ZNHIT3: variants seen among roughly 807,000 people sequenced by gnomAD.
ZNHIT3 encodes zinc finger HIT domain-containing protein 3.
ZNHIT3 carries 27 observed loss-of-function variants against 19.9 expected under a neutral mutation model. That is an observed-to-expected ratio of 1.36 (90% CI 1.00 to 1.87). ZNHIT3 has a LOEUF of 1.87. Ranked by LOEUF, ZNHIT3 falls within the 40% of genes most tolerant of loss-of-function variation. The pLI is 0.00. For missense variants in ZNHIT3, 215 were observed against 185.6 expected, an observed-to-expected ratio of 1.16 and a Z score of -0.92; for synonymous variants, 81 against 65.7, an observed-to-expected ratio of 1.23 and a Z score of -1.13.
downstream of ZNHIT3, chr17:36,499,185 A>G (rs2071273977): frequency 6.4e-7 from 1 of 1,574,358 alleles, no homozygotes; most frequent in Non-Finnish European, 8.7e-7. Context: ...CAGAAACAGG[A>G]AAGAGATAAT....
chr17:36,490,828 CTTT>C (rs900706269), intron 2 of ZNHIT3: 7 of 151,920 alleles, frequency 4.6e-5, no homozygotes, highest in African/African-American at 1.2e-4. Context: ...TTTCATTTGT[CTTT>C]TTTATTTTTT....
At chr17:36,498,856 T>C, downstream of ZNHIT3, 1 of 591,862 alleles carries the variant, frequency 1.7e-6, no homozygotes, top group South Asian at 2.0e-5. Flanking sequence ...GTTTGGTATA[T>C]TCCCAGAGTT....
Position 36,486,682 on chromosome 17 carries a change from G to A in ZNHIT3, c.-18G>A, listed in dbSNP as rs751532591. On this transcript the variant is annotated 5_prime_UTR_variant, in exon 1 of 5. Coordinates refer to ENST00000617429, the MANE Select transcript of ZNHIT3 (RefSeq NM_004773.4). Reference sequence around the variant, plus strand: ...GAGGCGCGCGGCGGCGCAGTGAACAGTCTCCTTCCACAAAACCATGGCGTC... The same window carrying A: ...GAGGCGCGCGGCGGCGCAGTGAACAATCTCCTTCCACAAAACCATGGCGTC... 4 of 1,613,544 alleles carry A rather than the reference G, an allele frequency of 2.5e-6. No homozygotes were observed. The highest frequency in any genetic ancestry group is 3.4e-6 in the Non-Finnish European group (4 of 1,179,602).
At chr17:36,494,719 G>A (rs961548577) in intron 4 of ZNHIT3, among the ~76,000 whole-genome samples, 1 of 152,104 alleles carries the variant, frequency 6.6e-6, no homozygotes, top group Non-Finnish European at 1.5e-5. Context: ...AGGTATTATT[G>A]TTGGTTCCCT....
chr17:36,497,652 T>C, downstream of ZNHIT3: 2 of 544,820 alleles, frequency 3.7e-6, no homozygotes, highest in Non-Finnish European at 4.7e-6. Context: ...CGGCGCAATC[T>C]CGGCTCACTG....
Position 36,493,996 on chromosome 17 carries a change from A to G in ZNHIT3, c.276A>G (p.Leu92=). ...AAGACAGAGTTTCTTTGCAGAATTT[A>G]AAGAATTTAGGTAAGTCTGTGCTAT... ...EEEDRVSLQN[L]KNLGESATLR... is the part of the protein sequence containing the mutation. The change falls in exon 4 of 5, where the codon TTA becomes TTG. Residue 92 remains leucine (L), a synonymous_variant. Coordinates refer to ENST00000617429, the MANE Select transcript of ZNHIT3 (RefSeq NM_004773.4). The G allele has an allele frequency of 6.2e-7, 1 of 1,611,662 alleles. No individual in the cohort carries two copies. The highest frequency in any genetic ancestry group is 1.7e-4 in the Middle Eastern group (1 of 6,052).
rs537966446 is a variant in ZNHIT3 at position 36,492,858 on chromosome 17, C to T, written c.164C>T (p.Ser55Leu). The change falls in exon 3 of 5, where the codon TCA becomes TTA. Residue 55 changes from serine to leucine, a missense_variant. Physicochemically the swap from Ser to Leu is moderately radical, Grantham distance 145. Coordinates refer to ENST00000617429, the MANE Select transcript of ZNHIT3 (RefSeq NM_004773.4). ...ETRPVEKKIR[S>L]ALPTKTVKPV... ...CGTCCTGTTGAGAAAAAAATAAGAT[C>T]AGCTCTTCCTACCAAAACCGTAAAG... is the stretch of plus-strand genomic sequence containing the variant. The T allele has an allele frequency of 1.9e-6, 3 of 1,614,166 alleles. No homozygotes were observed. Among genetic ancestry groups the T allele is most frequent in the African/African-American group, 2.7e-5 (2 of 75,040 alleles).
intron 2 of ZNHIT3, among the ~76,000 whole-genome samples, chr17:36,487,784 C>G (rs1436934072): frequency 6.9e-6 from 1 of 143,900 alleles, no homozygotes; most frequent in Non-Finnish European, 1.5e-5. Context: ...GAGCCAGACT[C>G]AGTCTGGAAA....
chr17:36,492,694 C>G, intron 2 of ZNHIT3, 119 bp from the exon 3 acceptor site: 2 of 819,088 alleles, frequency 2.4e-6, no homozygotes, highest in Non-Finnish European at 4.0e-6. Context: ...TTCCTGGGCA[C>G]CCACCCACAT....
Position 36,486,692 on chromosome 17 carries a change from A to C in ZNHIT3, c.-8A>C. On this transcript the variant is annotated 5_prime_UTR_variant, in exon 1 of 5. Coordinates refer to ENST00000617429, the MANE Select transcript of ZNHIT3 (RefSeq NM_004773.4). ...GCGGCGCAGTGAACAGTCTCCTTCCACAAAACCATGGCGTCGCTCAAATGT... is the reference window on the plus strand; with the variant it reads ...GCGGCGCAGTGAACAGTCTCCTTCCCCAAAACCATGGCGTCGCTCAAATGT... 6.2e-7 allele frequency: 1 copy of C among 1,613,772 alleles called. No homozygotes were observed. Among genetic ancestry groups the C allele is most frequent in the South Asian group, 1.1e-5 (1 of 91,078 alleles).
Position 36,495,362 on chromosome 17 carries a change from C to CTGTT in ZNHIT3, c.428_431dup (p.Gly145PhefsTer10). On this transcript the variant is annotated frameshift_variant, in exon 5 of 5. Coordinates refer to ENST00000617429, the MANE Select transcript of ZNHIT3 (RefSeq NM_004773.4). LOFTEE classifies it high-confidence loss of function. ...CTTTGTTTGTGGAGTTTGCAGACTG[C>CTGTT]TGTTTAGGAATTGTGGAGCCATCCC... The CTGTT allele has an allele frequency of 6.2e-7, 1 of 1,611,520 alleles. No individual in the cohort carries two copies. Among genetic ancestry groups the CTGTT allele is most frequent in the East Asian group, 2.2e-5 (1 of 44,820 alleles).
intron 2 of ZNHIT3, chr17:36,492,558 G>C: frequency 2.1e-6 from 1 of 482,848 alleles, no homozygotes; most frequent in Admixed American, 3.7e-5. Context: ...TGAGAATTTT[G>C]TAAGATTCGG....
Position 36,495,295 on chromosome 17 carries a change from G to A in ZNHIT3, c.359G>A (p.Gly120Glu). 6.2e-7 allele frequency: 1 copy of A among 1,613,854 alleles called. No homozygotes were observed. Among genetic ancestry groups the A allele is most frequent in the Admixed American group, 1.7e-5 (1 of 59,880 alleles). Residue 120 changes from glycine to glutamate, a missense_variant, in exon 5 of 5, where the codon GGA (glycine) becomes GAA (glutamate). By Grantham distance (98) the Gly-to-Glu change is moderately conservative. Coordinates refer to ENST00000617429, the MANE Select transcript of ZNHIT3 (RefSeq NM_004773.4). ...LRQLMVNLDQ[G>E]EDKAKLMRAY... Reference sequence around the variant, plus strand: ...CAGTTGATGGTCAACCTCGATCAGGGAGAAGACAAAGCAAAGCTCATGAGA... The same window carrying A: ...CAGTTGATGGTCAACCTCGATCAGGAAGAAGACAAAGCAAAGCTCATGAGA...
intron 2 of ZNHIT3, among the ~76,000 whole-genome samples, chr17:36,487,331 C>T (rs1416065821): frequency 1.3e-5 from 2 of 152,326 alleles, no homozygotes; most frequent in East Asian, 1.9e-4. Context: ...CACCATTTGG[C>T]TGAAACTGCG....
chr17:36,496,319 T>G (rs758206810), downstream of ZNHIT3: 6 of 1,613,808 alleles, frequency 3.7e-6, no homozygotes, highest in Admixed American at 1.7e-5. Flanking sequence ...AGAATCTGAT[T>G]AAAGCCTGTA....
intron 3 of ZNHIT3, 85 bp downstream of exon 3, chr17:36,492,984 G>A (rs1444581885): frequency 2.4e-6 from 3 of 1,276,584 alleles, no homozygotes; most frequent in African/African-American, 2.9e-5. Context: ...GCTGGTCAGG[G>A]AATCCAGAAC....
downstream of ZNHIT3, chr17:36,497,589 C>T (rs561289080): frequency 3.7e-4 from 299 of 818,890 alleles, no homozygotes; most frequent in African/African-American, 5.6e-3. Flanking sequence ...CTAAACCAAA[C>T]TTTTTTTTTT....
downstream of ZNHIT3, chr17:36,499,192 TAA>T (rs753626591): frequency 3.9e-6 from 6 of 1,548,118 alleles, no homozygotes; most frequent in South Asian, 5.8e-5. Context: ...AGGAAAGAGA[TAA>T]TAAAGGGGCC....
chr17:36,498,904 G>A (rs1461509412), downstream of ZNHIT3: 6 of 609,902 alleles, frequency 9.8e-6, no homozygotes, highest in African/African-American at 1.8e-5. Flanking sequence ...CACCCTGCAG[G>A]GTAGGTGTTA....
Sources: gnomAD v4.1 joint callset for allele counts (sites outside exome capture counted in the v4.1 genomes callset) on GRCh38, gnomAD v4.1.1 for gene constraint, MANE v1.5 for transcripts, NCBI Gene and HGNC (gene_info 2026-07-23, HGNC 2026-07-21) for gene names.